CCDC149: variants seen among roughly 807,000 people sequenced by gnomAD.
CCDC149 encodes coiled-coil domain-containing protein 149.
In CCDC149, 45 loss-of-function variants were observed where a neutral mutation model predicts 59.9. The observed-to-expected ratio is 0.75, with a 90% confidence interval of 0.59 to 0.96. The LOEUF (loss-of-function observed/expected upper bound fraction) is 0.96, where lower values mean the gene tolerates loss of function less well. CCDC149 is among the 40% of genes least tolerant of loss of function. The pLI is 0.00. For synonymous variants in CCDC149, 245 were observed against 260.6 expected (o/e 0.94, Z 0.58); for missense variants, 584 against 664.7 (o/e 0.88, Z 1.33).
chr4:24,925,361 A>G (rs556584824), intron 1 of CCDC149, among the ~76,000 whole-genome samples: 7 of 152,242 alleles, frequency 4.6e-5, no homozygotes, highest in African/African-American at 1.7e-4. Context: ...TCAGTATGCA[A>G]TTGAATAGCC....
intron 4 of CCDC149, among the ~76,000 whole-genome samples, chr4:24,841,146 G>A (rs1716909461): frequency 6.6e-6 from 1 of 152,180 alleles, no homozygotes; most frequent in Admixed American, 6.5e-5. Context: ...AGATCTGAGG[G>A]TCTAGGAACA....
At chr4:24,843,672 C>G (rs541902356) in intron 4 of CCDC149, among the ~76,000 whole-genome samples, 2 of 152,182 alleles carry the variant, frequency 1.3e-5, no homozygotes, top group South Asian at 2.1e-4. Flanking sequence ...GAGATCAACA[C>G]GCACACACTC....
intron 3 of CCDC149, among the ~76,000 whole-genome samples, chr4:24,865,394 T>A (rs1486020445): frequency 1.1e-4 from 16 of 152,218 alleles, no homozygotes. Flanking sequence ...ATTTCTACTC[T>A]GCTGCTTTGG....
chr4:24,885,217 G>A (rs776870922), intron 1 of CCDC149, among the ~76,000 whole-genome samples: 4 of 152,180 alleles, frequency 2.6e-5, no homozygotes, highest in African/African-American at 4.8e-5. Flanking sequence ...CAGGAGCTCC[G>A]AGGGGCTTTG....
chr4:24,899,712 C>T (rs1480484869), intron 1 of CCDC149, among the ~76,000 whole-genome samples: 2 of 152,126 alleles, frequency 1.3e-5, no homozygotes, highest in Non-Finnish European at 2.9e-5. Flanking sequence ...CCTGACAGAT[C>T]GGTTCCCTCC....
chr4:24,856,522 G>A (rs1055557506), intron 3 of CCDC149, among the ~76,000 whole-genome samples: 3 of 152,198 alleles, frequency 2.0e-5, no homozygotes, highest in African/African-American at 7.2e-5. Context: ...AAAAAGGAGA[G>A]AGAGAGCCTT....
chr4:24,976,998 C>A (rs1285783377), intron 1 of CCDC149, among the ~76,000 whole-genome samples: 1 of 152,228 alleles, frequency 6.6e-6, no homozygotes, highest in East Asian at 1.9e-4. Flanking sequence ...AAACAAACCT[C>A]ATTTCTAATT....
chr4:24,962,306 AAAC>A (rs1723656873), intron 1 of CCDC149, among the ~76,000 whole-genome samples: 1 of 152,054 alleles, frequency 6.6e-6, no homozygotes, highest in African/African-American at 2.4e-5. Flanking sequence ...AAACGTCAGG[AAAC>A]AACAGGTGCT....
In CCDC149 at chr4:24,905,239, G is replaced by A. The variant is rs188936493; in HGVS notation, c.63+7578C>T. Among the ~76,000 whole-genome samples the A allele has an allele frequency of 2.2e-3, 340 of 151,456 alleles. 1 individual carries two copies. Among genetic ancestry groups the A allele is most frequent in the Admixed American group, 4.0e-3 (60 of 15,144 alleles). ...TAGTGAGAGTTCCTTTTATATTCTG[G>A]ATACTAGATGTGTGTTGTGCACATA... On this transcript the variant is annotated intron_variant, in intron 1 of 12. Transcript: ENST00000635206.
At chr4:24,929,272 A>C (rs1271607512) in intron 1 of CCDC149, among the ~76,000 whole-genome samples, 1 of 152,178 alleles carries the variant, frequency 6.6e-6, no homozygotes, top group Non-Finnish European at 1.5e-5. Context: ...GTGGGCTCCC[A>C]GGGAGTGGGA....
intron 1 of CCDC149, among the ~76,000 whole-genome samples, chr4:24,976,883 C>T (rs16876446): frequency 0.03 from 4,500 of 152,122 alleles, 204 homozygotes; most frequent in African/African-American, 0.1. Flanking sequence ...AACATCTGGC[C>T]GCTAGAGGAG....
chr4:24,890,289 C>T (rs1720452485), intron 1 of CCDC149, among the ~76,000 whole-genome samples: 1 of 152,182 alleles, frequency 6.6e-6, no homozygotes, highest in African/African-American at 2.4e-5. Context: ...TAATCCTCAT[C>T]ACAACCCCAA....
chr4:24,912,985 A>C lies in CCDC149; in HGVS notation c.-106T>G. ...GCCCCGAGAGGGCCCGGCGCCTCCG[A>C]GCCGCTGCGCCGCCGCCTCTCGCGG... On this transcript the variant is annotated 5_prime_UTR_variant, in exon 1 of 13. Transcript: ENST00000635206. 2.7e-6 allele frequency: 1 copy of C among 367,114 alleles called. No homozygotes were observed. Among genetic ancestry groups the C allele is most frequent in the Non-Finnish European group, 3.9e-6 (1 of 256,308 alleles). The allele number at this position is 367,114 out of a possible 1,614,324, so 22.7% of individuals were successfully genotyped here.
At chr4:24,831,223 C>T (rs1010027785) in intron 9 of CCDC149, 10 of 238,298 alleles carry the variant, frequency 4.2e-5, no homozygotes, top group East Asian at 2.9e-4. Flanking sequence ...GTCACCCAGG[C>T]GATTATTTTA....
In CCDC149 at chr4:24,893,502, T is replaced by C. The variant is rs141648239; in HGVS notation, c.64-16805A>G. ...AGAACTCTGTGTCACCACTGACAGA[T>C]GACATTGGCTATCTGAGACACAAAA... On this transcript the variant is annotated intron_variant, in intron 1 of 12. Coordinates refer to ENST00000635206, the MANE Select transcript of CCDC149 (RefSeq NM_001330643.2). 1.8e-3 allele frequency among the ~76,000 whole-genome samples: 279 copies of C among 152,056 alleles called. 2 individuals carry two copies. Among genetic ancestry groups the C allele is most frequent in the African/African-American group, 6.5e-3 (269 of 41,494 alleles).
intron 1 of CCDC149, among the ~76,000 whole-genome samples, chr4:24,918,100 T>C (rs1722186167): frequency 6.6e-6 from 1 of 152,124 alleles, no homozygotes; most frequent in South Asian, 2.1e-4. Flanking sequence ...ATTGCCCTCC[T>C]ATCTAATTTT....
At chr4:24,973,848 G>A (rs969779116) in intron 1 of CCDC149, among the ~76,000 whole-genome samples, 1 of 152,256 alleles carries the variant, frequency 6.6e-6, no homozygotes, top group Non-Finnish European at 1.5e-5. Flanking sequence ...GTGCCTCATG[G>A]AGGGATTGGG....
rs973409334 is a variant in CCDC149 at position 24,831,661 on chromosome 4, T to A, written c.821-11A>T. The A allele has an allele frequency of 1.9e-6, 3 of 1,610,954 alleles. No individual in the cohort carries two copies. The highest frequency in any genetic ancestry group is 1.7e-6 in the Non-Finnish European group (2 of 1,178,748). On this transcript the variant is annotated splice_polypyrimidine_tract_variant and intron_variant, in intron 8 of 12. Transcript: ENST00000635206. ...ATAGCAGATCCTGAACTAGATAGGATACAAAATGTATAACTCAGTCGTCAT... is the reference window on the plus strand; with the variant it reads ...ATAGCAGATCCTGAACTAGATAGGAAACAAAATGTATAACTCAGTCGTCAT...
At chr4:24,834,501 G>A (rs999466109) in intron 8 of CCDC149, among the ~76,000 whole-genome samples, 10 of 152,154 alleles carry the variant, frequency 6.6e-5, no homozygotes, top group Non-Finnish European at 1.5e-4. Flanking sequence ...CGTAGAGGCC[G>A]GGAAAAGAAG....
Sources: allele counts gnomAD v4.1 joint callset (sites outside exome capture counted in the v4.1 genomes callset), GRCh38; gene constraint gnomAD v4.1.1; transcripts MANE v1.5; gene names NCBI Gene and HGNC (gene_info 2026-07-23, HGNC 2026-07-21).